CACHD1: variants seen among roughly 807,000 people sequenced by gnomAD.
CACHD1 encodes the protein cache domain containing 1, also known as VWFA and cache domain-containing protein 1.
A neutral mutation model predicts 138.7 loss-of-function variants in CACHD1; 71 were observed. The observed-to-expected ratio is 0.51, with a 90% CI of 0.42 to 0.62. The LOEUF is 0.62. Ranked by LOEUF, CACHD1 falls within the 20% of genes least tolerant of loss-of-function variation. The pLI, the probability that CACHD1 is intolerant of heterozygous loss-of-function variation, is 0.00. For synonymous variants in CACHD1, 578 were observed against 591.5 expected (o/e 0.98, Z 0.33); for missense variants, 1,389 against 1,625.3 (o/e 0.85, Z 2.50).
At chr1:64,483,863 T>TC (rs1557457672) in intron 1 of CACHD1, among the ~76,000 whole-genome samples, 39 of 40,368 alleles carry the variant, frequency 9.7e-4, no homozygotes, top group African/African-American at 2.3e-3. Context: ...ATCTTTTACC[T>TC]TCCCCCCCCC....
chr1:64,684,189 C>T (rs912680340), intron 26 of CACHD1, among the ~76,000 whole-genome samples: 3 of 152,108 alleles, frequency 2.0e-5, no homozygotes, highest in African/African-American at 4.8e-5. Flanking sequence ...GACGGAGTCT[C>T]GCTCTTGTCA....
chr1:64,542,383 G>A (rs998338168), intron 1 of CACHD1, among the ~76,000 whole-genome samples: 2 of 151,996 alleles, frequency 1.3e-5, no homozygotes, highest in East Asian at 3.9e-4. Context: ...ATTTCCCTTT[G>A]TTATACAAAC....
rs1356585209 is a variant in CACHD1, at chr1:64,470,935, C to G, written c.191C>G (p.Thr64Ser). The stretch of plus-strand genomic sequence containing the variant: ...GCGGCCGAGGAGCTGGGGGTCGTCA[C>G]CATGCAGGTAAGTGGCCCCCGAGCT... ...RLAAEELGVV[T>S]MQRIFNSFVY... Residue 64 changes from threonine (T) to serine (S), a missense_variant, in exon 1 of 27, where the codon ACC (threonine) becomes AGC (serine). Thr to Ser is a moderately conservative substitution (Grantham distance 58). Transcript: ENST00000651257. The surrounding 1 kb of genome is among the most constrained non-coding windows in gnomAD (Gnocchi z 5.2). 6.2e-7 allele frequency: 1 copy of G among 1,603,252 alleles called. No individual in the cohort carries two copies. Among genetic ancestry groups the G allele is most frequent in the Non-Finnish European group, 8.5e-7 (1 of 1,174,512 alleles).
intron 26 of CACHD1, among the ~76,000 whole-genome samples, chr1:64,685,418 A>G (rs1650334909): frequency 6.6e-6 from 1 of 152,216 alleles, no homozygotes; most frequent in South Asian, 2.1e-4. Context: ...TACACAAGAC[A>G]TGACTGTACC....
At chr1:64,480,093 C>A (rs891426943) in intron 1 of CACHD1, among the ~76,000 whole-genome samples, 1 of 152,218 alleles carries the variant, frequency 6.6e-6, no homozygotes, top group African/African-American at 2.4e-5. Context: ...TGTGGTCCCT[C>A]CTGTGGAGTT....
intron 4 of CACHD1, among the ~76,000 whole-genome samples, chr1:64,607,198 A>G (rs1379507879): frequency 1.3e-5 from 2 of 152,142 alleles, no homozygotes; most frequent in Non-Finnish European, 2.9e-5. Flanking sequence ...TGACACTGAG[A>G]TGAAGAGGAA....
chr1:64,689,854 C>A (rs1201003959), intron 26 of CACHD1, among the ~76,000 whole-genome samples: 2 of 152,136 alleles, frequency 1.3e-5, no homozygotes, highest in African/African-American at 4.8e-5. Context: ...TTCCTTATTC[C>A]CCCAGGCAGA....
chr1:64,622,858 G>A (rs1315475027), intron 4 of CACHD1, among the ~76,000 whole-genome samples: 1 of 152,156 alleles, frequency 6.6e-6, no homozygotes, highest in Admixed American at 6.6e-5. Flanking sequence ...TTTTATTGAA[G>A]TATAATTGAC....
rs770395313 is a variant in CACHD1, at chr1:64,673,478, ATTCCTTAACAC to A, written c.2727+16_2727+26del. Reference sequence around the variant, plus strand: ...ACCAGCCTTGCGGTAAGTTGATCTGATTCCTTAACACTCTCATTTTTCCATCCCATTATGGA... The same window carrying A: ...ACCAGCCTTGCGGTAAGTTGATCTGATCTCATTTTTCCATCCCATTATGGA... On this transcript the variant is annotated intron_variant, in intron 19 of 26. Transcript: ENST00000651257. 1 of 1,561,972 alleles carries A rather than the reference ATTCCTTAACAC, an allele frequency of 6.4e-7. No homozygotes were observed. The highest frequency in any genetic ancestry group is 1.1e-5 in the South Asian group (1 of 89,958).
chr1:64,560,686 G>A (rs1440159964), intron 2 of CACHD1, among the ~76,000 whole-genome samples: 1 of 151,584 alleles, frequency 6.6e-6, no homozygotes, highest in African/African-American at 2.4e-5. Flanking sequence ...GTTTTTAGGT[G>A]TTCTTTATGT....
At position 64,691,467 on chromosome 1, in the gene CACHD1, A is replaced by G. The variant is rs144857019; in HGVS notation, c.3731A>G (p.Lys1244Arg). The G allele has an allele frequency of 1.2e-6, 2 of 1,614,110 alleles. No homozygotes were observed. Among genetic ancestry groups the G allele is most frequent in the South Asian group, 2.2e-5 (2 of 91,082 alleles). Residue 1244 changes from lysine to arginine, a missense_variant, in exon 27 of 27, where the codon AAG (lysine) becomes AGG (arginine). Physicochemically the swap from Lys to Arg is conservative, Grantham distance 26. Around this residue, in one of 5 missense-constraint regions of CACHD1, gnomAD observed 78 missense variants for 76.9 expected, o/e 1.01. Transcript: ENST00000651257. ...CAGACTGCTGCCCTACTAAGTCACA[A>G]GTTCCACCACTACCGGTCACACCAC... is the stretch of plus-strand genomic sequence containing the variant. ...PPQTAALLSH[K>R]FHHYRSHHPT... is the part of the protein sequence containing the mutation.
At chr1:64,641,745 A>G in intron 7 of CACHD1, 75 bp from the exon 8 acceptor site, 1 of 1,198,070 alleles carries the variant, frequency 8.3e-7, no homozygotes, top group South Asian at 1.7e-5. Flanking sequence ...AAGTCCAAGG[A>G]CATGAACAGG....
chr1:64,608,866 CTT>C (rs982084308), intron 4 of CACHD1, among the ~76,000 whole-genome samples: 1 of 152,142 alleles, frequency 6.6e-6, no homozygotes, highest in Admixed American at 6.5e-5. Flanking sequence ...CTCTTGCTCT[CTT>C]GAGTTATGCA....
At chr1:64,629,311 C>T in intron 4 of CACHD1, 44 bp from the exon 5 acceptor site, 1 of 1,605,154 alleles carries the variant, frequency 6.2e-7, no homozygotes, top group Admixed American at 1.7e-5. Flanking sequence ...CCTGCATGCA[C>T]CTGTGGATTT....
intron 13 of CACHD1, among the ~76,000 whole-genome samples, chr1:64,660,373 G>A (rs1649401487): frequency 1.3e-5 from 2 of 152,126 alleles, no homozygotes; most frequent in Admixed American, 1.3e-4. Context: ...CTTTAAATAT[G>A]GCTCATCCAA....
intron 10 of CACHD1, among the ~76,000 whole-genome samples, chr1:64,653,398 A>G (rs1240858061): frequency 2.0e-5 from 3 of 151,858 alleles, no homozygotes; most frequent in Admixed American, 1.3e-4. Flanking sequence ...AAAAAAAAAA[A>G]AAAAAAAAAA....
At chr1:64,520,410 A>T (rs1218388865) in intron 1 of CACHD1, among the ~76,000 whole-genome samples, 2 of 152,208 alleles carry the variant, frequency 1.3e-5, no homozygotes, top group Non-Finnish European at 2.9e-5. Context: ...GTGTTAATGA[A>T]CATGGATGGT....
chr1:64,475,130 T>G (rs1366011504), intron 1 of CACHD1, among the ~76,000 whole-genome samples: 1 of 152,150 alleles, frequency 6.6e-6, no homozygotes, highest in African/African-American at 2.4e-5. Context: ...AGAGCAACGC[T>G]TCTTTGTATG....
chr1:64,554,156 C>T (rs776867066), intron 2 of CACHD1, among the ~76,000 whole-genome samples: 15 of 152,124 alleles, frequency 9.9e-5, no homozygotes, highest in Non-Finnish European at 1.3e-4. Context: ...CTCAGCCTCC[C>T]GAGTAGTTGG....
Sources: gnomAD v4.1 joint callset for allele counts (sites outside exome capture counted in the v4.1 genomes callset) on GRCh38, gnomAD v4.1.1 for gene constraint, gnomAD v4.1.1 regional missense constraint, Gnocchi (gnomAD v3.1) non-coding constraint, MANE v1.5 for transcripts, NCBI Gene and HGNC (gene_info 2026-07-23, HGNC 2026-07-21) for gene names.